Variants in RANBP17 observed in about 807,000 individuals in gnomAD.
RANBP17 encodes RAN binding protein 17.
RANBP17 carries 158 observed loss-of-function variants against 141.2 expected under a neutral mutation model. The observed-to-expected ratio is 1.12, with a 90% confidence interval of 0.98 to 1.28. The LOEUF is 1.28. Among genes scored for constraint, RANBP17 ranks in the 50% most tolerant of loss-of-function variants. The pLI, the probability that RANBP17 is intolerant of heterozygous loss-of-function variation, is 0.00. For missense variants in RANBP17, 1,438 were observed against 1,290.7 expected, an observed-to-expected ratio of 1.11 and a Z score of -1.75; for synonymous variants, 430 against 450.0, an observed-to-expected ratio of 0.96 and a Z score of 0.56.
At chr5:171,181,430 G>A (rs1040958791) in intron 16 of RANBP17, among the ~76,000 whole-genome samples, 4 of 151,566 alleles carry the variant, frequency 2.6e-5, no homozygotes, top group Non-Finnish European at 2.9e-5. Context: ...CAGCCTGGGC[G>A]ACAGAGCGAA....
At chr5:171,141,834 A>T (rs1159578040) in intron 14 of RANBP17, among the ~76,000 whole-genome samples, 1 of 152,120 alleles carries the variant, frequency 6.6e-6, no homozygotes, top group African/African-American at 2.4e-5. Flanking sequence ...TTTAAACATT[A>T]TGGTTGATGA....
chr5:171,179,535 ACT>A (rs912198782), intron 16 of RANBP17, among the ~76,000 whole-genome samples: 2 of 152,062 alleles, frequency 1.3e-5, no homozygotes, highest in African/African-American at 2.4e-5. Flanking sequence ...TCAGGATCTA[ACT>A]CTGTCTGCAA....
chr5:171,089,691 C>T (rs1391262699), intron 14 of RANBP17, among the ~76,000 whole-genome samples: 5 of 151,744 alleles, frequency 3.3e-5, no homozygotes, highest in African/African-American at 9.7e-5. Flanking sequence ...GTCTGAAAAG[C>T]GCAATATTCG....
intron 25 of RANBP17, among the ~76,000 whole-genome samples, chr5:171,274,582 A>G (rs921275527): frequency 6.6e-5 from 10 of 152,234 alleles, no homozygotes; most frequent in Non-Finnish European, 1.3e-4. Flanking sequence ...TTGATTTATA[A>G]GTCATCAAAT....
At chr5:171,075,079 A>G (rs1784834832) in intron 14 of RANBP17, among the ~76,000 whole-genome samples, 1 of 152,324 alleles carries the variant, frequency 6.6e-6, no homozygotes, top group Admixed American at 6.5e-5. Context: ...CTTGAGCAGC[A>G]GGATATAAAT....
At chr5:171,079,174 A>G (rs902893583) in intron 14 of RANBP17, among the ~76,000 whole-genome samples, 21 of 152,202 alleles carry the variant, frequency 1.4e-4, no homozygotes, top group Admixed American at 1.2e-3. Context: ...CAGGATCGGA[A>G]ATAACTGCAG....
At chr5:170,888,549 T>C (rs904414857) in intron 3 of RANBP17, among the ~76,000 whole-genome samples, 1 of 152,202 alleles carries the variant, frequency 6.6e-6, no homozygotes, top group Admixed American at 6.5e-5. Flanking sequence ...TTGACTTTGG[T>C]ATATTAACCC....
intron 14 of RANBP17, among the ~76,000 whole-genome samples, chr5:171,080,083 C>T (rs528880057): frequency 6.6e-6 from 1 of 152,198 alleles, no homozygotes; most frequent in East Asian, 1.9e-4. Context: ...TGGAAGAAAA[C>T]CTGTCAGTGT....
chr5:171,187,824 G>A lies in RANBP17; in HGVS notation c.2038+4394G>A, dbSNP rs376038141. Among the ~76,000 whole-genome samples, 36 of 152,262 alleles carry A rather than the reference G, an allele frequency of 2.4e-4. No individual in the cohort carries two copies. In the South Asian group the frequency reaches 7.5e-3, roughly 32 times the overall value. On this transcript the variant is annotated intron_variant, in intron 18 of 27. Coordinates refer to ENST00000523189, the MANE Select transcript of RANBP17 (RefSeq NM_022897.5). ...TATTTGAATACTGCAGGTTAGACCA[G>A]TTATACATGAGAGGGTTCAGTCAGT...
chr5:170,875,309 G>C (rs1401849171), intron 1 of RANBP17, among the ~76,000 whole-genome samples: 1 of 151,936 alleles, frequency 6.6e-6, no homozygotes, highest in Non-Finnish European at 1.5e-5. Context: ...ATGTGTCTTG[G>C]GGTTGATCGT....
At chr5:171,023,917 C>T (rs776486342) in intron 14 of RANBP17, among the ~76,000 whole-genome samples, 3 of 152,186 alleles carry the variant, frequency 2.0e-5, no homozygotes, top group Non-Finnish European at 4.4e-5. Context: ...AGTGTTACTT[C>T]ATATATTTAA....
At chr5:170,947,921 A>G (rs1460657133) in intron 12 of RANBP17, among the ~76,000 whole-genome samples, 1 of 152,254 alleles carries the variant, frequency 6.6e-6, no homozygotes, top group Non-Finnish European at 1.5e-5. Flanking sequence ...ACTTTCACCA[A>G]ATTCTATTGG....
intron 18 of RANBP17, among the ~76,000 whole-genome samples, chr5:171,191,966 A>G (rs191013251): frequency 4.9e-4 from 75 of 152,322 alleles, no homozygotes; most frequent in Non-Finnish European, 9.9e-4. Context: ...AGATAGATGC[A>G]TGTTTATTGT....
chr5:170,965,942 A>G (rs1364708880), intron 13 of RANBP17, among the ~76,000 whole-genome samples: 1 of 152,186 alleles, frequency 6.6e-6, no homozygotes, highest in Admixed American at 6.5e-5. Context: ...GAAGAAAGTC[A>G]TTGGTAGCTT....
At chr5:171,046,733 A>T (rs1222819296) in intron 14 of RANBP17, among the ~76,000 whole-genome samples, 1 of 152,122 alleles carries the variant, frequency 6.6e-6, no homozygotes, top group African/African-American at 2.4e-5. Flanking sequence ...GATGGATTGC[A>T]ATTTGCCTTC....
At chr5:171,248,239 C>T (rs1346809364) in intron 24 of RANBP17, among the ~76,000 whole-genome samples, 5 of 151,948 alleles carry the variant, frequency 3.3e-5, no homozygotes, top group Admixed American at 6.6e-5. Flanking sequence ...TGGTGGCGGG[C>T]GCCTGTAGTC....
chr5:171,076,578 TG>T (rs1283883387), intron 14 of RANBP17, among the ~76,000 whole-genome samples: 5 of 152,218 alleles, frequency 3.3e-5, no homozygotes, highest in Non-Finnish European at 5.9e-5. Context: ...TAGATAAGTC[TG>T]GAATACCTTG....
intron 24 of RANBP17, among the ~76,000 whole-genome samples, chr5:171,255,367 TGAA>T (rs1765816462): frequency 6.6e-6 from 1 of 152,202 alleles, no homozygotes; most frequent in Non-Finnish European, 1.5e-5. Context: ...GAAAGATAGA[TGAA>T]GTCATTTGCA....
intron 14 of RANBP17, among the ~76,000 whole-genome samples, chr5:170,974,579 C>T (rs1777226034): frequency 6.6e-6 from 1 of 152,120 alleles, no homozygotes; most frequent in Admixed American, 6.5e-5. Context: ...CCCATGACTC[C>T]ACTAGGCATT....
Sources: allele counts gnomAD v4.1 joint callset (sites outside exome capture counted in the v4.1 genomes callset), GRCh38; gene constraint gnomAD v4.1.1; transcripts MANE v1.5; gene names NCBI Gene and HGNC (gene_info 2026-07-23, HGNC 2026-07-21).